Variants in CUX1 observed in about 807,000 individuals in gnomAD.
CUX1 encodes protein CASP.
CUX1 carries 31 observed loss-of-function variants against 158.8 expected under a neutral mutation model. That is an observed-to-expected ratio of 0.20 (90% CI 0.15 to 0.26). The LOEUF (loss-of-function observed/expected upper bound fraction) is 0.26, where lower values mean the gene tolerates loss of function less well. Among genes scored for constraint, CUX1 ranks in the 10% least tolerant of loss-of-function variants. The pLI, the probability that CUX1 is intolerant of heterozygous loss-of-function variation, is 1.00. For missense variants in CUX1, 1,589 were observed against 2,014.6 expected (o/e 0.79, Z 4.04); for synonymous variants, 879 against 862.1 (o/e 1.02, Z -0.34).
intron 1 of CUX1, among the ~76,000 whole-genome samples, chr7:101,845,014 CTTAT>C (rs1795540203): frequency 6.6e-6 from 1 of 152,266 alleles, no homozygotes; most frequent in Non-Finnish European, 1.5e-5. Context: ...ATTCTGATGT[CTTAT>C]TTTTTTCTTT....
chr7:101,875,708 C>T (rs564324530), intron 1 of CUX1, among the ~76,000 whole-genome samples: 20 of 152,190 alleles, frequency 1.3e-4, no homozygotes, highest in Non-Finnish European at 2.9e-4. Context: ...CGGGTAGGTG[C>T]GCCGCTCTCT....
At chr7:102,267,397 G>T (rs1790888444) in intron 14 of CUX1, among the ~76,000 whole-genome samples, 1 of 151,982 alleles carries the variant, frequency 6.6e-6, no homozygotes, top group African/African-American at 2.4e-5. Flanking sequence ...AGCCAGGCAT[G>T]GTGGTGCATG....
intron 8 of CUX1, among the ~76,000 whole-genome samples, chr7:102,118,814 C>T (rs569768709): frequency 1.6e-4 from 25 of 152,224 alleles, no homozygotes; most frequent in Non-Finnish European, 2.9e-4. Flanking sequence ...TGCAGTGGCA[C>T]GATCTTGGCT....
intron 1 of CUX1, among the ~76,000 whole-genome samples, chr7:101,835,329 G>T (rs868558259): frequency 1.1e-4 from 16 of 152,112 alleles, no homozygotes; most frequent in African/African-American, 3.6e-4. Flanking sequence ...TGTCTGGGCC[G>T]CATTCTTTTT....
rs1162020004 is a variant in CUX1, at chr7:102,250,456, A to ACT, written c.*1423_*1424dup. The ACT allele has an allele frequency of 3.0e-6, 3 of 984,766 alleles. No individual in the cohort carries two copies. In the African/African-American group the frequency reaches 5.3e-5, roughly 17 times the overall value. The allele number at this position is 984,766 out of a possible 1,614,324, so 61.0% of individuals were successfully genotyped here. ...AGGCCTGGGCAGGGCTTACACGCGC[A>ACT]CTCTCTCTCTTCTTTCCCTTTTTCT... On this transcript the variant is annotated 3_prime_UTR_variant, in exon 24 of 24. Transcript: ENST00000292535.
intron 2 of CUX1, among the ~76,000 whole-genome samples, chr7:101,972,017 A>G (rs1422770231): frequency 6.6e-6 from 1 of 152,132 alleles, no homozygotes; most frequent in African/African-American, 2.4e-5. Flanking sequence ...CCCAGGTGGG[A>G]CTGCAGTGGC....
chr7:102,105,557 G>A (rs1830260302), intron 6 of CUX1, among the ~76,000 whole-genome samples: 1 of 129,296 alleles, frequency 7.7e-6, no homozygotes. Context: ...TCATTGCCCA[G>A]GCTGGAGTGC....
chr7:102,239,733 G>GTT (rs374612687), intron 23 of CUX1, 149 bp downstream of exon 23: 25 of 759,596 alleles, frequency 3.3e-5, no homozygotes, highest in South Asian at 1.2e-4. Flanking sequence ...GTCCCTTAGG[G>GTT]TTTTTTTTTT....
intron 3 of CUX1, among the ~76,000 whole-genome samples, chr7:102,068,196 G>T (rs1825757658): frequency 5.3e-5 from 8 of 151,800 alleles, no homozygotes; most frequent in Admixed American, 4.6e-4. Context: ...GGCTCAGGCA[G>T]TCCTCCCACC....
At chr7:101,990,563 G>C (rs1221829742) in intron 2 of CUX1, among the ~76,000 whole-genome samples, 1 of 152,108 alleles carries the variant, frequency 6.6e-6, no homozygotes, top group Admixed American at 6.6e-5. Context: ...TTTTAGTAGA[G>C]ATGGGGTTTC....
chr7:101,998,101 C>T (rs1030291696), intron 2 of CUX1, among the ~76,000 whole-genome samples: 2 of 152,196 alleles, frequency 1.3e-5, no homozygotes, highest in African/African-American at 4.8e-5. Context: ...AGCACAGAGC[C>T]GGGTACTGTG....
rs1798206307 is a variant in CUX1, at chr7:101,869,035, T to C, written c.31-47080T>C. Among the ~76,000 whole-genome samples, 1 of 151,758 alleles carries C rather than the reference T, an allele frequency of 6.6e-6. No homozygotes were observed. The highest frequency in any genetic ancestry group is 1.5e-5 in the Non-Finnish European group (1 of 67,964). ...TGGGAGACGCTTCCGCAGGAGATGG[T>C]GCGGCTGGGGTGGAGACTTCCTGGC... On this transcript the variant is annotated intron_variant, in intron 1 of 23. Coordinates refer to ENST00000292535, the MANE Select transcript of CUX1 (RefSeq NM_181552.4). The surrounding 1 kb of genome is among the most constrained non-coding windows in gnomAD (Gnocchi z 4.5).
At chr7:101,921,423 T>G (rs1804914753) in intron 2 of CUX1, among the ~76,000 whole-genome samples, 2 of 148,768 alleles carry the variant, frequency 1.3e-5, no homozygotes, top group Admixed American at 6.7e-5. Flanking sequence ...CTTGGGGAAT[T>G]TCTATGTTTT....
intron 1 of CUX1, among the ~76,000 whole-genome samples, chr7:101,818,536 G>A (rs896871007): frequency 6.6e-6 from 1 of 152,154 alleles, no homozygotes. Flanking sequence ...GGGCTCCAGG[G>A]TTCCATCGAA....
chr7:101,885,551 C>T (rs1800135765), intron 1 of CUX1, among the ~76,000 whole-genome samples: 1 of 151,990 alleles, frequency 6.6e-6, no homozygotes, highest in Non-Finnish European at 1.5e-5. Flanking sequence ...AGAGCGAGAC[C>T]CTGTCCCAAA....
intron 2 of CUX1, among the ~76,000 whole-genome samples, chr7:101,967,589 A>G (rs113284770): frequency 1.3e-5 from 2 of 152,334 alleles, no homozygotes; most frequent in African/African-American, 4.8e-5. Context: ...CCGGGCATGT[A>G]TGCGTCAATG....
At chr7:102,210,345 C>G (rs1554522797) in intron 20 of CUX1, among the ~76,000 whole-genome samples, 1 of 152,200 alleles carries the variant, frequency 6.6e-6, no homozygotes, top group East Asian at 1.9e-4. Flanking sequence ...GATCCTCCCA[C>G]CTTGGCCTCC....
chr7:102,098,212 C>T (rs1038836244), intron 5 of CUX1, among the ~76,000 whole-genome samples: 7 of 152,212 alleles, frequency 4.6e-5, no homozygotes, highest in African/African-American at 7.2e-5. Context: ...AAGAATAATT[C>T]GGCCAGTTTG....
rs1367894341 is a variant in CUX1, at chr7:101,817,996, A to G, written c.30+327A>G. On this transcript the variant is annotated intron_variant, in intron 1 of 23. Coordinates refer to ENST00000292535, the MANE Select transcript of CUX1 (RefSeq NM_181552.4). The surrounding 1 kb of genome is among the most constrained non-coding windows in gnomAD (Gnocchi z 4.1). Reference sequence around the variant, plus strand: ...AAACATATTTAAATGGAATCTGACAACTTTAATTGTATATGCTTGTTTTCT... The same window carrying G: ...AAACATATTTAAATGGAATCTGACAGCTTTAATTGTATATGCTTGTTTTCT... Among the ~76,000 whole-genome samples the G allele has an allele frequency of 6.6e-6, 1 of 152,208 alleles. No homozygotes were observed. Among genetic ancestry groups the G allele is most frequent in the African/African-American group, 2.4e-5 (1 of 41,456 alleles).
Sources: gnomAD v4.1 joint callset for allele counts (sites outside exome capture counted in the v4.1 genomes callset) on GRCh38, gnomAD v4.1.1 for gene constraint, Gnocchi (gnomAD v3.1) non-coding constraint, MANE v1.5 for transcripts, NCBI Gene and HGNC (gene_info 2026-07-23, HGNC 2026-07-21) for gene names.